TET2: variants seen among roughly 807,000 people sequenced by gnomAD.
TET2 encodes tet methylcytosine dioxygenase 2.
A neutral mutation model predicts 142.9 loss-of-function variants in TET2; 299 were observed. The ratio of observed to expected loss-of-function variants is 2.09; its 90% CI spans 1.90 to 2.30. The LOEUF (loss-of-function observed/expected upper bound fraction) is 2.30. Ranked by LOEUF, TET2 falls within the 30% of genes most tolerant of loss-of-function variation. The probability of loss-of-function intolerance (pLI) is 0.00; values close to 1 mark genes in which losing one functional copy is unlikely to be tolerated. For synonymous variants in TET2, 819 were observed against 849.0 expected, an observed-to-expected ratio of 0.96 and a Z score of 0.61; for missense variants, 2,418 against 2,378.0, an observed-to-expected ratio of 1.02 and a Z score of -0.35.
chr4:105,265,547 A>AGCACACATCTAT (rs1442082031), intron 8 of TET2, among the ~76,000 whole-genome samples: 1 of 152,236 alleles, frequency 6.6e-6, no homozygotes, highest in Non-Finnish European at 1.5e-5. Context: ...ACGGCCACAA[A>AGCACACATCTAT]GCACACATCT....
chr4:105,234,878 T>C lies in TET2; in HGVS notation c.936T>C (p.Asn312=), dbSNP rs749415698. Residue 312 remains asparagine, a synonymous_variant, in exon 3 of 11, where the codon AAT becomes AAC. Transcript: ENST00000380013. ...DNASKLAAML[N]TCSFQKPEQL... Reference sequence around the variant, plus strand: ...CCAGTAAACTAGCTGCAATGCTAAATACCTGTTCCTTTCAGAAACCAGAAC... The same window carrying C: ...CCAGTAAACTAGCTGCAATGCTAAACACCTGTTCCTTTCAGAAACCAGAAC... 11 of 1,613,992 alleles carry C rather than the reference T, an allele frequency of 6.8e-6. No individual in the cohort carries two copies. In the East Asian group the frequency reaches 2.2e-4, roughly 33 times the overall value.
rs539833670 is a variant in TET2 at position 105,243,484 on chromosome 4, A to G, written c.3595-86A>G. ...TCTAAACATGATAAAATATACATACATAAGTGCCCTTATCTGCTGCAAGTG... is the reference window on the plus strand; with the variant it reads ...TCTAAACATGATAAAATATACATACGTAAGTGCCCTTATCTGCTGCAAGTG... On this transcript the variant is annotated intron_variant, in intron 5 of 10. Coordinates refer to ENST00000380013, the MANE Select transcript of TET2 (RefSeq NM_001127208.3). 358 of 1,167,394 alleles carry G rather than the reference A, an allele frequency of 3.1e-4. 5 individuals are homozygous for G. The South Asian group carries it at 4.3e-3, about 14-fold the overall frequency. 72.3% of individuals were successfully genotyped at this position (1,167,394 alleles called of 1,614,324 possible). A position where few individuals can be genotyped will look rare whatever the true frequency, so the allele number is the denominator to read the frequency against.
At position 105,275,672 on chromosome 4, in the gene TET2, T is replaced by G. The variant is rs34402524; in HGVS notation, c.5162T>G (p.Leu1721Trp). ...IRPNVHHVGK[L>W]PPYPTHEMDG... Reference sequence around the variant, plus strand: ...CCAAATGTACATCATGTAGGGAAATTGCCTCCTTATCCCACTCATGAGATG... The same window carrying G: ...CCAAATGTACATCATGTAGGGAAATGGCCTCCTTATCCCACTCATGAGATG... Residue 1721 changes from leucine to tryptophan, a missense_variant, in exon 11 of 11, where the codon TTG becomes TGG. Coordinates refer to ENST00000380013, the MANE Select transcript of TET2 (RefSeq NM_001127208.3). 188,116 of 1,551,620 alleles carry G rather than the reference T, an allele frequency of 0.12. 11,862 individuals carry two copies. Among genetic ancestry groups the G allele is most frequent in the Middle Eastern group, 0.18 (1,054 of 5,994 alleles).
At chr4:105,203,115 AT>A (rs1268073714) in intron 2 of TET2, among the ~76,000 whole-genome samples, 3 of 152,206 alleles carry the variant, frequency 2.0e-5, no homozygotes, top group African/African-American at 7.2e-5. Flanking sequence ...ATGAATAATG[AT>A]TGTCATTCAA....
intron 2 of TET2, among the ~76,000 whole-genome samples, chr4:105,225,981 C>G (rs1440619744): frequency 6.6e-6 from 1 of 151,970 alleles, no homozygotes; most frequent in Non-Finnish European, 1.5e-5. Context: ...TTATTCTATC[C>G]CAAACCACAT....
intron 6 of TET2, among the ~76,000 whole-genome samples, chr4:105,248,923 T>C (rs1347886626): frequency 6.6e-6 from 1 of 151,918 alleles, no homozygotes; most frequent in Non-Finnish European, 1.5e-5. Context: ...GGCCTTTCTC[T>C]CTGGCTTCTT....
At chr4:105,241,091 A>C in intron 3 of TET2, 1 of 1,107,338 alleles carries the variant, frequency 9.0e-7, no homozygotes, top group Non-Finnish European at 1.1e-6. Flanking sequence ...ATTTGGTTTA[A>C]AATAATTTTT....
intron 3 of TET2, chr4:105,239,665 A>AT (rs537207591): frequency 1.1e-3 from 261 of 236,790 alleles, no homozygotes; most frequent in Non-Finnish European, 1.9e-3. Flanking sequence ...AGCGCTCTCC[A>AT]TATCAGCAAT....
At chr4:105,251,146 T>C (rs1729852067) in intron 6 of TET2, among the ~76,000 whole-genome samples, 1 of 152,168 alleles carries the variant, frequency 6.6e-6, no homozygotes, top group African/African-American at 2.4e-5. Flanking sequence ...GGTAGATTCC[T>C]TAGGATTTGC....
chr4:105,273,965 A>C (rs1731081154), intron 10 of TET2, among the ~76,000 whole-genome samples: 1 of 152,244 alleles, frequency 6.6e-6, no homozygotes, highest in Non-Finnish European at 1.5e-5. Context: ...TAACAAAAGC[A>C]AACCAGTTTG....
intron 1 of TET2, among the ~76,000 whole-genome samples, chr4:105,151,846 A>G (rs562853639): frequency 5.3e-5 from 8 of 152,282 alleles, no homozygotes; most frequent in African/African-American, 1.9e-4. Flanking sequence ...ACGACAAGGC[A>G]GGTGGATGAC....
chr4:105,276,393 G>A lies in TET2; in HGVS notation c.5883G>A (p.Glu1961=), dbSNP rs1225834362. The A allele has an allele frequency of 1.9e-6, 3 of 1,551,836 alleles. No homozygotes were observed. The East Asian group carries it at 7.3e-5, about 38-fold the overall frequency. The change falls in exon 11 of 11, where the codon GAG becomes GAA. Residue 1961 remains glutamate, a synonymous_variant. Transcript: ENST00000380013. ...CTGCTGAGCCACATGAAACTTCAGA[G>A]CCCACTTACCTGCGTTTCATCAAGT... ...REPAEPHETS[E]PTYLRFIKSL... is the part of the protein sequence containing the mutation.
chr4:105,208,184 T>C (rs1339028923), intron 2 of TET2, among the ~76,000 whole-genome samples: 3 of 152,210 alleles, frequency 2.0e-5, no homozygotes, highest in Admixed American at 2.0e-4. Flanking sequence ...CTTTTCATTC[T>C]CTTTACAATC....
chr4:105,263,166 C>T (rs533796018), intron 8 of TET2, among the ~76,000 whole-genome samples: 1 of 152,136 alleles, frequency 6.6e-6, no homozygotes, highest in Admixed American at 6.6e-5. Context: ...AAAAACAAAA[C>T]CCAAAAGTAG....
intron 6 of TET2, among the ~76,000 whole-genome samples, chr4:105,246,106 A>G (rs940178889): frequency 1.3e-5 from 2 of 152,134 alleles, no homozygotes; most frequent in African/African-American, 4.8e-5. Context: ...TATTTTTAGT[A>G]GAGACAGGGT....
intron 6 of TET2, among the ~76,000 whole-genome samples, chr4:105,249,317 G>A (rs1729746900): frequency 6.6e-6 from 1 of 152,102 alleles, no homozygotes; most frequent in African/African-American, 2.4e-5. Context: ...GAGCCACTGT[G>A]CCCAGCCACA....
At chr4:105,272,502 C>G in intron 9 of TET2, 62 bp from the exon 10 acceptor site, 1 of 1,130,988 alleles carries the variant, frequency 8.8e-7, no homozygotes. Flanking sequence ...AAGATACACA[C>G]ACACACACAC....
At chr4:105,199,260 T>C (rs1229274243) in intron 2 of TET2, among the ~76,000 whole-genome samples, 5 of 152,240 alleles carry the variant, frequency 3.3e-5, no homozygotes, top group South Asian at 2.1e-4. Flanking sequence ...GCCTGGATAC[T>C]GCACATCTAT....
chr4:105,276,778 C>G lies in TET2; in HGVS notation c.*259C>G, dbSNP rs1731242560. On this transcript the variant is annotated 3_prime_UTR_variant, in exon 11 of 11. Coordinates refer to ENST00000380013, the MANE Select transcript of TET2 (RefSeq NM_001127208.3). ...AAAAGAAGGTGGGGAAGAAAGTGTT[C>G]CGCAATTTACATTTTTAAACACTGG... The G allele has an allele frequency of 5.0e-6, 2 of 401,152 alleles. No individual in the cohort carries two copies. Among genetic ancestry groups the G allele is most frequent in the Admixed American group, 4.2e-5 (1 of 23,678 alleles). 24.8% of individuals were successfully genotyped at this position (401,152 alleles called of 1,614,324 possible).
Sources: gnomAD v4.1 joint callset for allele counts (sites outside exome capture counted in the v4.1 genomes callset) on GRCh38, gnomAD v4.1.1 for gene constraint, MANE v1.5 for transcripts, NCBI Gene and HGNC (gene_info 2026-07-23, HGNC 2026-07-21) for gene names.